The following CTNNA1 variants were observed in gnomAD, a reference collection of about 807,000 sequenced individuals.
The protein encoded by CTNNA1 is catenin alpha 1, also known as catenin alpha-1.
CTNNA1 carries 37 observed loss-of-function variants against 98.4 expected under a neutral mutation model. The observed-to-expected ratio is 0.38, with a 90% CI of 0.29 to 0.49. The LOEUF (loss-of-function observed/expected upper bound fraction) is 0.49, where lower values mean the gene tolerates loss of function less well. CTNNA1 is among the 20% of genes least tolerant of loss of function. CTNNA1 has a pLI of 0.95. For synonymous variants in CTNNA1, 404 were observed against 413.2 expected (o/e 0.98, Z 0.27); for missense variants, 761 against 1,147.2 (o/e 0.66, Z 4.86).
chr5:138,797,413 C>T (rs1757093813), intron 3 of CTNNA1, among the ~76,000 whole-genome samples: 1 of 152,052 alleles, frequency 6.6e-6, no homozygotes, highest in South Asian at 2.1e-4. Flanking sequence ...TCTCACTGTG[C>T]AGTACAGATT....
At chr5:138,784,394 T>C (rs567293564) in intron 3 of CTNNA1, among the ~76,000 whole-genome samples, 3 of 152,370 alleles carry the variant, frequency 2.0e-5, no homozygotes, top group African/African-American at 7.2e-5. Context: ...CAGAGTCTTA[T>C]GTCAAATTCA....
intron 7 of CTNNA1, among the ~76,000 whole-genome samples, chr5:138,837,628 T>A (rs1240232983): frequency 1.3e-5 from 2 of 149,678 alleles, no homozygotes; most frequent in African/African-American, 4.9e-5. Context: ...TTGGTTTTGT[T>A]TGTTTGTTTT....
intron 7 of CTNNA1, among the ~76,000 whole-genome samples, chr5:138,866,927 A>G (rs1316888965): frequency 6.6e-6 from 1 of 152,224 alleles, no homozygotes; most frequent in East Asian, 1.9e-4. Flanking sequence ...TAAGGGAGAC[A>G]TGACTACCCC....
intron 5 of CTNNA1, among the ~76,000 whole-genome samples, chr5:138,822,424 C>G (rs1760133600): frequency 6.6e-6 from 1 of 152,170 alleles, no homozygotes; most frequent in Admixed American, 6.5e-5. Flanking sequence ...TTATAAGAAG[C>G]TATGCTGATC....
chr5:138,901,990 G>A (rs1758144949), intron 9 of CTNNA1, among the ~76,000 whole-genome samples: 1 of 152,202 alleles, frequency 6.6e-6, no homozygotes, highest in Non-Finnish European at 1.5e-5. Flanking sequence ...GTTAGTGACA[G>A]GCACTCCTTC....
chr5:138,905,093 CAAAAAAAAAAA>C (rs781709207), intron 10 of CTNNA1, among the ~76,000 whole-genome samples: 1 of 58,252 alleles, frequency 1.7e-5, no homozygotes, highest in Non-Finnish European at 3.7e-5. Flanking sequence ...GACTCCGTCT[CAAAAAAAAAAA>C]AAAAAAAATA....
At chr5:138,912,342 C>T (rs913607220) in intron 10 of CTNNA1, among the ~76,000 whole-genome samples, 3 of 152,054 alleles carry the variant, frequency 2.0e-5, no homozygotes, top group Non-Finnish European at 2.9e-5. Flanking sequence ...GAGAAGGCAG[C>T]ATAGGACTGA....
intron 7 of CTNNA1, among the ~76,000 whole-genome samples, chr5:138,863,519 T>C (rs1389003100): frequency 1.3e-5 from 2 of 152,222 alleles, no homozygotes; most frequent in Admixed American, 1.3e-4. Flanking sequence ...GTGCTGGGAT[T>C]CCAGGTGTGA....
At chr5:138,757,983 T>C (rs1751870071) in intron 1 of CTNNA1, among the ~76,000 whole-genome samples, 1 of 152,064 alleles carries the variant, frequency 6.6e-6, no homozygotes, top group African/African-American at 2.4e-5. Context: ...CCTCAGCTTA[T>C]GTGTAATATA....
At chr5:138,844,686 C>G (rs531839974) in intron 7 of CTNNA1, among the ~76,000 whole-genome samples, 3 of 152,110 alleles carry the variant, frequency 2.0e-5, no homozygotes, top group Non-Finnish European at 4.4e-5. Flanking sequence ...TTGAGAAGAT[C>G]TGGCTTAGAT....
chr5:138,770,358 A>G (rs770005710), intron 1 of CTNNA1, among the ~76,000 whole-genome samples: 16 of 152,152 alleles, frequency 1.1e-4, no homozygotes, highest in South Asian at 2.1e-4. Context: ...GCAGCTTTCT[A>G]TTAAACACTC....
intron 3 of CTNNA1, among the ~76,000 whole-genome samples, chr5:138,790,169 GAATTGATGGAA>G (rs1413144264): frequency 6.6e-6 from 1 of 152,222 alleles, no homozygotes; most frequent in African/African-American, 2.4e-5. Flanking sequence ...TGCTATAACA[GAATTGATGGAA>G]AGAGAGAATT....
intron 9 of CTNNA1, among the ~76,000 whole-genome samples, chr5:138,888,027 C>T (rs1437415801): frequency 1.3e-5 from 2 of 152,216 alleles, no homozygotes; most frequent in East Asian, 3.8e-4. Flanking sequence ...ATTGCCATTT[C>T]TTGTCTGTAA....
intron 7 of CTNNA1, among the ~76,000 whole-genome samples, chr5:138,879,790 G>T (rs1561638426): frequency 6.6e-6 from 1 of 152,114 alleles, no homozygotes; most frequent in Non-Finnish European, 1.5e-5. Flanking sequence ...TTGTTATCTT[G>T]TTAGTAAACA....
At chr5:138,837,555 G>A (rs1000924170) in intron 7 of CTNNA1, among the ~76,000 whole-genome samples, 14 of 119,140 alleles carry the variant, frequency 1.2e-4, no homozygotes, top group Non-Finnish European at 2.0e-4. Context: ...CCACTCCTCC[G>A]TCTTCTCTTC....
chr5:138,924,578 G>T lies in CTNNA1; in HGVS notation c.1615G>T (p.Asp539Tyr), dbSNP rs547329141. Residue 539 changes from aspartate (D) to tyrosine (Y), a missense_variant, in exon 12 of 18, where the codon GAC (aspartate) becomes TAC (tyrosine). Physicochemically the swap from Asp to Tyr is radical, Grantham distance 160. Coordinates refer to ENST00000302763, the MANE Select transcript of CTNNA1 (RefSeq NM_001903.5). The stretch of plus-strand genomic sequence containing the variant: ...CCAAGAGAAGGATGTGGATGGCCTG[G>T]ACCGCACAGCTGGTGCAATTCGAGG... Reference protein sequence around the residue: ...ALQEKDVDGLDRTAGAIRGRA... With the variant: ...ALQEKDVDGLYRTAGAIRGRA... 6.2e-7 allele frequency: 1 copy of T among 1,614,178 alleles called. No individual in the cohort carries two copies. Among genetic ancestry groups the T allele is most frequent in the South Asian group, 1.1e-5 (1 of 91,058 alleles).
rs373509850 is a variant in CTNNA1 at position 138,758,076 on chromosome 5, G to A, written c.-3+4566G>A. 1.8e-4 allele frequency among the ~76,000 whole-genome samples: 27 copies of A among 151,970 alleles called. No individual in the cohort carries two copies. The East Asian group carries it at 3.3e-3, about 18-fold the overall frequency. ...GGCTGGAGTGCAATGGCGTGATGTC[G>A]GCTCACTGCAACCTCTGTCTCCTGG... On this transcript the variant is annotated intron_variant, in intron 1 of 17. Coordinates refer to ENST00000302763, the MANE Select transcript of CTNNA1 (RefSeq NM_001903.5).
intron 1 of CTNNA1, among the ~76,000 whole-genome samples, chr5:138,781,346 C>T (rs779558336): frequency 2.6e-5 from 4 of 151,988 alleles, no homozygotes; most frequent in East Asian, 1.9e-4. Context: ...GTCAGGAGAT[C>T]GAGACCATCA....
At chr5:138,929,948 G>A (rs1764943335) in intron 14 of CTNNA1, among the ~76,000 whole-genome samples, 1 of 152,216 alleles carries the variant, frequency 6.6e-6, no homozygotes. Context: ...CTGAGAGGGA[G>A]GAGCTCCCCA....
Sources: allele counts gnomAD v4.1 joint callset (sites outside exome capture counted in the v4.1 genomes callset), GRCh38; gene constraint gnomAD v4.1.1; transcripts MANE v1.5; gene names NCBI Gene and HGNC (gene_info 2026-07-23, HGNC 2026-07-21).